Variants in MCTP1 observed in about 807,000 individuals in gnomAD.
MCTP1 encodes the protein multiple C2 and transmembrane domain containing 1.
A neutral mutation model predicts 120.6 loss-of-function variants in MCTP1; 69 were observed. The ratio of observed to expected loss-of-function variants is 0.57; its 90% CI spans 0.47 to 0.70. The LOEUF is 0.70. Among genes scored for constraint, MCTP1 ranks in the 30% least tolerant of loss-of-function variants. The pLI is 0.00. For missense variants in MCTP1, 1,203 were observed against 1,248.8 expected (o/e 0.96, Z 0.55); for synonymous variants, 529 against 493.1 (o/e 1.07, Z -0.96).
rs546101716 is a variant in MCTP1 at position 95,096,183 on chromosome 5, C to T, written c.721-78699G>A. ...GCCACATAAGAGTACTCAATATATCCACTGTGGAGACTGACTTCTTGAGAG... is the reference window on the plus strand; with the variant it reads ...GCCACATAAGAGTACTCAATATATCTACTGTGGAGACTGACTTCTTGAGAG... On this transcript the variant is annotated intron_variant, in intron 1 of 22. Transcript: ENST00000515393. Among the ~76,000 whole-genome samples the T allele has an allele frequency of 4.6e-5, 7 of 152,224 alleles. No individual in the cohort carries two copies. In the South Asian group the frequency reaches 1.5e-3, roughly 32 times the overall value.
chr5:94,755,460 C>T (rs1005050986), intron 19 of MCTP1, among the ~76,000 whole-genome samples: 2 of 152,178 alleles, frequency 1.3e-5, no homozygotes, highest in Non-Finnish European at 2.9e-5. Flanking sequence ...CCAGAGTTCA[C>T]ACCAGCTGCC....
chr5:94,806,175 T>G (rs17084072), intron 17 of MCTP1, among the ~76,000 whole-genome samples: 4,549 of 152,094 alleles, frequency 0.03, 79 homozygotes, highest in Non-Finnish European at 0.035. Context: ...TTCATAAGAT[T>G]TCTATTAAGT....
At chr5:94,800,681 C>T (rs550742338) in intron 17 of MCTP1, among the ~76,000 whole-genome samples, 1 of 152,116 alleles carries the variant, frequency 6.6e-6, no homozygotes, top group Non-Finnish European at 1.5e-5. Context: ...CATGACATTA[C>T]TGTACCATCC....
chr5:94,869,330 G>T (rs553424821), intron 16 of MCTP1, among the ~76,000 whole-genome samples: 79 of 152,060 alleles, frequency 5.2e-4, no homozygotes, highest in African/African-American at 1.9e-3. Context: ...GTTTACTGAG[G>T]TCATATGGAA....
intron 17 of MCTP1, among the ~76,000 whole-genome samples, chr5:94,818,011 G>T (rs1203412225): frequency 6.6e-6 from 1 of 152,196 alleles, no homozygotes; most frequent in African/African-American, 2.4e-5. Flanking sequence ...TCGGTTCAAG[G>T]ATGGGCAAAT....
chr5:95,153,194 G>A (rs1744725826), intron 1 of MCTP1, among the ~76,000 whole-genome samples: 1 of 152,078 alleles, frequency 6.6e-6, no homozygotes. Context: ...ATGATAGTGA[G>A]TTCTCACGAG....
chr5:94,886,990 C>T (rs1019979736), intron 12 of MCTP1, among the ~76,000 whole-genome samples: 2 of 152,136 alleles, frequency 1.3e-5, no homozygotes, highest in Non-Finnish European at 2.9e-5. Flanking sequence ...TTGCCACCAT[C>T]ACAAATGTCA....
intron 8 of MCTP1, among the ~76,000 whole-genome samples, chr5:94,913,756 G>A (rs534769492): frequency 1.3e-5 from 2 of 151,970 alleles, no homozygotes; most frequent in South Asian, 2.1e-4. Flanking sequence ...CCAGGCTGGA[G>A]TGCAGGGGTA....
intron 5 of MCTP1, among the ~76,000 whole-genome samples, chr5:94,935,511 A>G (rs1030759641): frequency 3.3e-5 from 5 of 151,982 alleles, no homozygotes; most frequent in African/African-American, 1.2e-4. Flanking sequence ...ATTCACATTA[A>G]TGTTCTATTT....
intron 5 of MCTP1, among the ~76,000 whole-genome samples, chr5:94,932,211 T>C (rs1814886663): frequency 1.0e-5 from 1 of 97,380 alleles, no homozygotes. Flanking sequence ...TTTATTCCTT[T>C]GTAAAAAAAA....
intron 2 of MCTP1, chr5:94,978,866 T>C (rs1178803685): frequency 1.0e-5 from 1 of 96,054 alleles, no homozygotes; most frequent in African/African-American, 4.1e-5. Context: ...CTTACCACAA[T>C]AAAATAAATT....
At chr5:94,883,791 AT>A (rs1281488124) in intron 12 of MCTP1, among the ~76,000 whole-genome samples, 1 of 152,166 alleles carries the variant, frequency 6.6e-6, no homozygotes, top group African/African-American at 2.4e-5. Flanking sequence ...ACTTCTTCCA[AT>A]TGAGCAATTG....
chr5:94,989,888 G>A (rs1197642889), intron 2 of MCTP1, among the ~76,000 whole-genome samples: 2 of 152,170 alleles, frequency 1.3e-5, no homozygotes, highest in Non-Finnish European at 2.9e-5. Flanking sequence ...CTGATGTGCT[G>A]GAAGGTGTCA....
intron 2 of MCTP1, among the ~76,000 whole-genome samples, chr5:94,954,563 C>A (rs1482918669): frequency 1.3e-5 from 2 of 152,034 alleles, no homozygotes; most frequent in Non-Finnish European, 2.9e-5. Context: ...TTTTTTAAAA[C>A]CACACTCTAT....
intron 19 of MCTP1, among the ~76,000 whole-genome samples, chr5:94,770,018 C>T (rs1252966291): frequency 1.3e-5 from 2 of 152,140 alleles, no homozygotes; most frequent in Non-Finnish European, 2.9e-5. Flanking sequence ...CAAAGAATTC[C>T]TACTTTGTGA....
At position 94,912,949 on chromosome 5, in the gene MCTP1, C is replaced by A; in HGVS notation, c.1378G>T (p.Asp460Tyr). The change falls in exon 9 of 23, where the codon GAC (aspartate) becomes TAC (tyrosine). Residue 460 changes from aspartate (D) to tyrosine (Y), a missense_variant. Physicochemically the swap from Asp to Tyr is radical, Grantham distance 160. This residue lies in a region of MCTP1 where 740 missense variants were observed against 871.1 expected (regional missense o/e 0.85). Transcript: ENST00000515393. ...QFQTQSLRLS[D>Y]LHRKSHLWRG... Reference sequence around the variant, plus strand: ...CAAAGATGCGATTTTCTGTGTAGGTCTGATAGGCGTAAACTTTGGGTCTGA... The same window carrying A: ...CAAAGATGCGATTTTCTGTGTAGGTATGATAGGCGTAAACTTTGGGTCTGA... 1 of 1,598,746 alleles carries A rather than the reference C, an allele frequency of 6.3e-7. No individual in the cohort carries two copies. The highest frequency in any genetic ancestry group is 2.3e-5 in the East Asian group (1 of 43,174).
chr5:95,188,184 G>T (rs1749439084), intron 1 of MCTP1, among the ~76,000 whole-genome samples: 1 of 152,076 alleles, frequency 6.6e-6, no homozygotes, highest in African/African-American at 2.4e-5. Flanking sequence ...AACCATTAAA[G>T]AAACAAATTA....
At chr5:94,889,782 A>ACACACACACC (rs1477667839) in intron 11 of MCTP1, among the ~76,000 whole-genome samples, 2 of 148,850 alleles carry the variant, frequency 1.3e-5, no homozygotes, top group African/African-American at 2.5e-5. Context: ...ACACACACAC[A>ACACACACACC]CCCCTCTATG....
At chr5:95,074,177 C>G (rs1423083435) in intron 1 of MCTP1, among the ~76,000 whole-genome samples, 1 of 152,244 alleles carries the variant, frequency 6.6e-6, no homozygotes, top group Non-Finnish European at 1.5e-5. Flanking sequence ...GATTCAGAAT[C>G]TCTCAGGCGT....
Sources: gnomAD v4.1 joint callset for allele counts (sites outside exome capture counted in the v4.1 genomes callset) on GRCh38, gnomAD v4.1.1 for gene constraint, gnomAD v4.1.1 regional missense constraint, MANE v1.5 for transcripts, NCBI Gene and HGNC (gene_info 2026-07-23, HGNC 2026-07-21) for gene names.